LPIN2: variants seen among roughly 807,000 people sequenced by gnomAD.
LPIN2 encodes the protein phosphatidate phosphatase LPIN2.
In LPIN2, 55 loss-of-function variants were observed where a neutral mutation model predicts 111.4. The ratio of observed to expected loss-of-function variants is 0.49; its 90% CI spans 0.40 to 0.62. The LOEUF (loss-of-function observed/expected upper bound fraction) is 0.62. Among genes scored for constraint, LPIN2 ranks in the 20% least tolerant of loss-of-function variants. LPIN2 has a pLI of 0.00. For missense variants in LPIN2, 992 were observed against 1,112.1 expected, an observed-to-expected ratio of 0.89 and a Z score of 1.54; for synonymous variants, 425 against 414.0, an observed-to-expected ratio of 1.03 and a Z score of -0.32.
chr18:2,960,735 C>T lies in LPIN2; in HGVS notation c.106G>A (p.Val36Ile), dbSNP rs774019375. 1.2e-5 allele frequency: 20 copies of T among 1,613,932 alleles called. No individual in the cohort carries two copies. The highest frequency in any genetic ancestry group is 4.0e-5 in the African/African-American group (3 of 74,884). ...TGATAGCTGCCATCCTGCTGCTGTA[C>T]CACGATGACATCAATGCACCCAGAG... is the stretch of plus-strand genomic sequence containing the variant. Reference protein sequence around the residue: ...TLSGCIDVIVVQQQDGSYQCS... With the variant: ...TLSGCIDVIVIQQQDGSYQCS... Residue 36 changes from valine to isoleucine, a missense_variant, in exon 2 of 20, where the codon GTA (valine) becomes ATA (isoleucine). Coordinates refer to ENST00000677752, the MANE Select transcript of LPIN2 (RefSeq NM_001375808.2).
Position 3,003,294 on chromosome 18 carries a change from C to T in LPIN2, c.-10+9793G>A, listed in dbSNP as rs191777228. 7.9e-5 allele frequency among the ~76,000 whole-genome samples: 12 copies of T among 152,282 alleles called. No individual in the cohort carries two copies. The East Asian group carries it at 2.3e-3, about 29-fold the overall frequency. On this transcript the variant is annotated intron_variant, in intron 1 of 19. Transcript: ENST00000677752. ...GGAGCTCATCTGCAGATGTAGTTAC[C>T]AAGTGAGTCAAATGATACAGTGAAG...
intron 4 of LPIN2, chr18:2,948,119 G>A (rs2077482385): frequency 6.6e-6 from 1 of 152,106 alleles, no homozygotes. Flanking sequence ...CCTAATTTCT[G>A]TTGGCTATAT....
chr18:2,925,423 A>C lies in LPIN2; in HGVS notation c.1794-55T>G, dbSNP rs1286007258. On this transcript the variant is annotated intron_variant, in intron 13 of 19. Transcript: ENST00000677752. This position sits in a 1 kb window ranked among gnomAD's most constrained non-coding sequence, Gnocchi z 4.1. Reference sequence around the variant, plus strand: ...GGCAGCAGGGCATTTTATTGATGAGAGCTTTTCATTTAGGATCAAGAAAAT... The same window carrying C: ...GGCAGCAGGGCATTTTATTGATGAGCGCTTTTCATTTAGGATCAAGAAAAT... 9.9e-6 allele frequency: 16 copies of C among 1,609,664 alleles called. No homozygotes were observed. The highest frequency in any genetic ancestry group is 7.7e-5 in the South Asian group (7 of 90,948).
At chr18:2,940,967 T>C (rs1440062262) in intron 4 of LPIN2, among the ~76,000 whole-genome samples, 1 of 152,200 alleles carries the variant, frequency 6.6e-6, no homozygotes, top group East Asian at 1.9e-4. Flanking sequence ...TTCCATCCCT[T>C]AAGGGTGATT....
intron 4 of LPIN2, among the ~76,000 whole-genome samples, chr18:2,941,468 A>T (rs1435095050): frequency 3.3e-5 from 5 of 152,200 alleles, no homozygotes; most frequent in Admixed American, 3.3e-4. Context: ...CAGTTACTAT[A>T]ACTACCTTGC....
intron 1 of LPIN2, among the ~76,000 whole-genome samples, chr18:2,997,618 A>T (rs2078365406): frequency 6.6e-6 from 1 of 152,114 alleles, no homozygotes; most frequent in African/African-American, 2.4e-5. Flanking sequence ...ACAATTCACA[A>T]ACCTTACATA....
chr18:3,002,236 CAAAAA>C (rs765641037), intron 1 of LPIN2, among the ~76,000 whole-genome samples: 2 of 82,814 alleles, frequency 2.4e-5, no homozygotes, highest in Admixed American at 1.4e-4. Context: ...TTCAAAAGAC[CAAAAA>C]AAAAAAAAAA....
At chr18:2,948,495 T>G (rs1332387429) in intron 4 of LPIN2, 4 of 152,264 alleles carry the variant, frequency 2.6e-5, no homozygotes, top group Admixed American at 6.5e-5. Flanking sequence ...GCATATGTTT[T>G]AGAAATTGTT....
chr18:2,963,153 A>C (rs1336963270), intron 1 of LPIN2, among the ~76,000 whole-genome samples: 2 of 152,242 alleles, frequency 1.3e-5, no homozygotes, highest in Non-Finnish European at 2.9e-5. Context: ...ACAAAAGTAA[A>C]GGGAGGCCTG....
chr18:2,958,150 A>AAAAAAAAAAAAAAAAAAAAAAAAG (rs2077644674), intron 2 of LPIN2, among the ~76,000 whole-genome samples: 1 of 119,820 alleles, frequency 8.3e-6, no homozygotes, highest in South Asian at 2.7e-4. Context: ...TCAAAAAAAA[A>AAAAAAAAAAAAAAAAAAAAAAAAG]AAAAAAACAA....
intron 1 of LPIN2, chr18:2,991,042 A>C: frequency 1.8e-6 from 1 of 568,190 alleles, no homozygotes; most frequent in Non-Finnish European, 3.5e-6. Context: ...TTGTCCCATG[A>C]TGGTGCCCAC....
intron 2 of LPIN2, among the ~76,000 whole-genome samples, chr18:2,958,166 A>AAAAAAAC (rs1568571294): frequency 1.4e-5 from 2 of 146,004 alleles, no homozygotes; most frequent in Non-Finnish European, 1.5e-5. Flanking sequence ...AACAACAAAA[A>AAAAAAAC]AAAAAAACAG....
At chr18:3,002,995 T>C (rs1257331997) in intron 1 of LPIN2, among the ~76,000 whole-genome samples, 2 of 152,270 alleles carry the variant, frequency 1.3e-5, no homozygotes, top group Non-Finnish European at 2.9e-5. Flanking sequence ...CTGGCTTCTC[T>C]GGCCTAGTAA....
At chr18:2,947,198 G>A (rs16944094) in intron 4 of LPIN2, among the ~76,000 whole-genome samples, 5,837 of 152,218 alleles carry the variant, frequency 0.038, 209 homozygotes, top group East Asian at 0.11. Flanking sequence ...GTGTGATATT[G>A]AGCCTCCATT....
intron 1 of LPIN2, among the ~76,000 whole-genome samples, chr18:2,980,266 G>C (rs1352091974): frequency 6.6e-6 from 1 of 152,126 alleles, no homozygotes; most frequent in Non-Finnish European, 1.5e-5. Context: ...CTAATTATGA[G>C]ACAGGCATAG....
At chr18:2,982,622 T>A (rs573650610) in intron 1 of LPIN2, 1 of 909,150 alleles carries the variant, frequency 1.1e-6, no homozygotes, top group African/African-American at 1.7e-5. Flanking sequence ...GTGTCCAGAT[T>A]GAGCAAGCAG....
chr18:2,920,671 G>A (rs866168579), intron 19 of LPIN2, 107 bp downstream of exon 19: 2 of 884,204 alleles, frequency 2.3e-6, no homozygotes, highest in African/African-American at 3.3e-5. Flanking sequence ...CTGATCCTTT[G>A]ATCAGGGCCT....
intron 4 of LPIN2, chr18:2,945,563 CTTT>C (rs1272063922): frequency 1.3e-6 from 2 of 1,498,948 alleles, no homozygotes; most frequent in Non-Finnish European, 1.9e-6. Context: ...GCTGTGTCGT[CTTT>C]TTGTTTTTCC....
At chr18:2,938,405 T>C (rs1485092561) in intron 6 of LPIN2, among the ~76,000 whole-genome samples, 2 of 152,124 alleles carry the variant, frequency 1.3e-5, no homozygotes, top group African/African-American at 2.4e-5. Flanking sequence ...GCGCCTGTAA[T>C]CTCAGCTACT....
Sources: gnomAD v4.1 joint callset for allele counts (sites outside exome capture counted in the v4.1 genomes callset) on GRCh38, gnomAD v4.1.1 for gene constraint, Gnocchi (gnomAD v3.1) non-coding constraint, MANE v1.5 for transcripts, NCBI Gene and HGNC (gene_info 2026-07-23, HGNC 2026-07-21) for gene names.